The following CD109 variants were observed in gnomAD, a reference collection of about 807,000 sequenced individuals.
The protein encoded by CD109 is CD109 molecule, also known as CD109 antigen.
CD109 carries 149 observed loss-of-function variants against 165.8 expected under a neutral mutation model. That is an observed-to-expected ratio of 0.90 (90% confidence interval 0.79 to 1.03). CD109 has a LOEUF of 1.03. Ranked by LOEUF, CD109 falls within the 50% of genes least tolerant of loss-of-function variation. CD109 has a pLI of 0.00. For synonymous variants in CD109, 585 were observed against 592.1 expected (o/e 0.99, Z 0.18); for missense variants, 1,712 against 1,677.8 (o/e 1.02, Z -0.36).
chr6:73,702,021 C>T, intron 2 of CD109, among the ~76,000 whole-genome samples: 1 of 152,156 alleles, frequency 6.6e-6, no homozygotes, highest in South Asian at 2.1e-4. Context: ...CAGGTGAGTG[C>T]CTGCTGGTTT....
At chr6:73,805,746 C>T (rs1048013280) in intron 24 of CD109, among the ~76,000 whole-genome samples, 1 of 152,142 alleles carries the variant, frequency 6.6e-6, no homozygotes, top group Non-Finnish European at 1.5e-5. Flanking sequence ...GGTGATGACT[C>T]TTAACGAGCA....
At chr6:73,785,567 T>C in intron 20 of CD109, 90 bp downstream of exon 20, 2 of 658,770 alleles carry the variant, frequency 3.0e-6, no homozygotes, top group Non-Finnish European at 2.5e-6. Flanking sequence ...ATCTGGGCAT[T>C]TGGGATTCTA....
At chr6:73,758,631 G>T (rs141972466) in intron 6 of CD109, among the ~76,000 whole-genome samples, 1 of 152,054 alleles carries the variant, frequency 6.6e-6, no homozygotes, top group African/African-American at 2.4e-5. Context: ...TGATCCACCT[G>T]CCTCTGCCTC....
chr6:73,736,238 C>A, intron 4 of CD109, 145 bp from the exon 5 acceptor site: 1 of 747,778 alleles, frequency 1.3e-6, no homozygotes, highest in Non-Finnish European at 2.1e-6. Flanking sequence ...TCCTCACATC[C>A]TGCCATCCAG....
intron 23 of CD109, among the ~76,000 whole-genome samples, chr6:73,802,451 G>A (rs1775403077): frequency 6.6e-6 from 1 of 150,614 alleles, no homozygotes; most frequent in Non-Finnish European, 1.5e-5. Flanking sequence ...CCTCTGTATT[G>A]CTGGTCTAAG....
intron 5 of CD109, among the ~76,000 whole-genome samples, chr6:73,750,655 T>C (rs997543073): frequency 5.3e-5 from 8 of 152,194 alleles, no homozygotes; most frequent in African/African-American, 1.9e-4. Context: ...CTTCTGTTCC[T>C]AAGAAGGAGA....
Position 73,723,299 on chromosome 6 carries a change from A to T in CD109, c.276+20A>T. The T allele has an allele frequency of 6.2e-7, 1 of 1,600,164 alleles. No homozygotes were observed. Among genetic ancestry groups the T allele is most frequent in the Non-Finnish European group, 8.5e-7 (1 of 1,170,394 alleles). ...CCATCAGTAAGTATCCATTTAAAAA[A>T]TTTGGTTTCAGAAATATATTGTATC... is the stretch of plus-strand genomic sequence containing the variant. On this transcript the variant is annotated intron_variant, in intron 3 of 32. Transcript: ENST00000287097.
At chr6:73,712,413 C>G (rs1456812395) in intron 2 of CD109, among the ~76,000 whole-genome samples, 1 of 151,626 alleles carries the variant, frequency 6.6e-6, no homozygotes, top group Non-Finnish European at 1.5e-5. Context: ...AAAAGGCTGC[C>G]AAAAATAATT....
intron 7 of CD109, 31 bp downstream of exon 7, chr6:73,759,059 A>T: frequency 7.4e-7 from 1 of 1,352,768 alleles, no homozygotes; most frequent in Non-Finnish European, 1.1e-6. Context: ...GATATGACTC[A>T]AAACCATTAT....
intron 2 of CD109, among the ~76,000 whole-genome samples, chr6:73,721,489 C>T (rs1030555899): frequency 8.6e-5 from 13 of 151,696 alleles, no homozygotes; most frequent in Admixed American, 3.3e-4. Context: ...CTCAGCCTCC[C>T]GAGTAGCTAG....
In CD109 at chr6:73,824,362, G is replaced by A. The variant is rs3012518; in HGVS notation, c.*729G>A. On this transcript the variant is annotated 3_prime_UTR_variant, in exon 33 of 33. Transcript: ENST00000287097. ...TGCCCTGGGGGGTGCTGGGTGTGCT[G>A]TCTCCTTCCCACATCCTCAGCCCCA... 60,322 of 151,836 alleles carry A rather than the reference G, an allele frequency of 0.4. 12,110 individuals carry two copies. Among genetic ancestry groups the A allele is most frequent in the African/African-American group, 0.44 (18,192 of 41,336 alleles). 9.4% of individuals were successfully genotyped at this position (151,836 alleles called of 1,614,324 possible). A position where few individuals can be genotyped will look rare whatever the true frequency, so the allele number is the denominator to read the frequency against.
At chr6:73,820,414 G>C in intron 31 of CD109, 47 bp from the exon 32 acceptor site, 1 of 1,013,592 alleles carries the variant, frequency 9.9e-7, no homozygotes, top group Non-Finnish European at 1.5e-6. Context: ...ACTTAATCAT[G>C]AACACACAGT....
upstream of CD109, chr6:73,695,866 G>A: frequency 2.9e-6 from 1 of 343,234 alleles, no homozygotes. Context: ...AGTGTAAACA[G>A]CCTGAGGAAC....
At chr6:73,756,284 C>T (rs963905129) in intron 5 of CD109, among the ~76,000 whole-genome samples, 2 of 152,068 alleles carry the variant, frequency 1.3e-5, no homozygotes, top group East Asian at 3.8e-4. Flanking sequence ...TTAGTTTGAC[C>T]TGTGTTATCT....
At chr6:73,763,478 A>G (rs1352743390) in intron 9 of CD109, 98 bp from the exon 10 acceptor site, 2 of 629,346 alleles carry the variant, frequency 3.2e-6, no homozygotes, top group African/African-American at 3.7e-5. Context: ...TGATATTTTT[A>G]ACCCTTTTTG....
intron 31 of CD109, 118 bp from the exon 32 acceptor site, chr6:73,820,343 G>T: frequency 1.7e-6 from 1 of 578,552 alleles, no homozygotes; most frequent in Non-Finnish European, 3.1e-6. Context: ...CTGACATGTA[G>T]AAATCCTCCC....
chr6:73,776,553 CTTTT>C (rs34703329), intron 15 of CD109, among the ~76,000 whole-genome samples: 1,838 of 73,036 alleles, frequency 0.025, 46 homozygotes, highest in African/African-American at 0.11. Context: ...CGCAAGTGGC[CTTTT>C]TTTTTTTTTT....
intron 22 of CD109, among the ~76,000 whole-genome samples, chr6:73,790,978 G>A (rs1031643683): frequency 4.0e-5 from 6 of 151,394 alleles, no homozygotes; most frequent in Non-Finnish European, 8.8e-5. Flanking sequence ...AATTAATGAC[G>A]TCTAATAGTT....
chr6:73,717,221 T>C (rs965619998), intron 2 of CD109, among the ~76,000 whole-genome samples: 2 of 150,078 alleles, frequency 1.3e-5, no homozygotes, highest in Non-Finnish European at 1.5e-5. Context: ...GATTCCTCCT[T>C]TTTTTTTTTC....
Sources: gnomAD v4.1 joint callset for allele counts (sites outside exome capture counted in the v4.1 genomes callset) on GRCh38, gnomAD v4.1.1 for gene constraint, MANE v1.5 for transcripts, NCBI Gene and HGNC (gene_info 2026-07-23, HGNC 2026-07-21) for gene names.